Variants in FGF10 observed in about 807,000 individuals in gnomAD.
FGF10 encodes FGF-10.
Under a neutral mutation model 19.8 loss-of-function variants are expected in FGF10, and 2 were observed. The observed-to-expected ratio is 0.10, with a 90% CI of 0.04 to 0.32. The LOEUF (loss-of-function observed/expected upper bound fraction) is 0.32. FGF10 is among the 10% of genes least tolerant of loss of function. FGF10 has a pLI of 1.00. For missense variants in FGF10, 191 were observed against 246.3 expected, an observed-to-expected ratio of 0.78 and a Z score of 1.50; for synonymous variants, 112 against 94.0, an observed-to-expected ratio of 1.19 and a Z score of -1.10.
intron 1 of FGF10, among the ~76,000 whole-genome samples, chr5:44,345,230 G>A (rs1741060819): frequency 6.6e-6 from 1 of 151,536 alleles, no homozygotes; most frequent in Admixed American, 6.6e-5. Flanking sequence ...ATATACTGCT[G>A]GAAAATAATG....
intron 1 of FGF10, among the ~76,000 whole-genome samples, chr5:44,345,270 A>T (rs1223221916): frequency 1.3e-5 from 2 of 151,646 alleles, no homozygotes. Flanking sequence ...GGAAGACTTG[A>T]TTTGAAGATA....
chr5:44,325,821 T>C (rs1740602424), intron 1 of FGF10, among the ~76,000 whole-genome samples: 1 of 152,066 alleles, frequency 6.6e-6, no homozygotes. Context: ...TGTATACATA[T>C]GTTACAAACC....
At chr5:44,323,759 T>A (rs1265047376) in intron 1 of FGF10, among the ~76,000 whole-genome samples, 4 of 152,144 alleles carry the variant, frequency 2.6e-5, no homozygotes, top group Non-Finnish European at 2.9e-5. Flanking sequence ...CCAGAAATTA[T>A]CCCATTATCC....
intron 1 of FGF10, among the ~76,000 whole-genome samples, chr5:44,323,281 T>C (rs902388612): frequency 6.6e-6 from 1 of 152,182 alleles, no homozygotes; most frequent in Admixed American, 6.6e-5. Flanking sequence ...TGACTACTAG[T>C]AAAGCATGCA....
At position 44,310,562 on chromosome 5, in the gene FGF10, A is replaced by G. The variant is rs199742541; in HGVS notation, c.326-32T>C. ...CATACAATTTTAAAAGGCTAAATAA[A>G]GAATCCTAAATATATTTGGAAGAAA... On this transcript the variant is annotated intron_variant, in intron 1 of 2. Coordinates refer to ENST00000264664, the MANE Select transcript of FGF10 (RefSeq NM_004465.2). The G allele has an allele frequency of 2.5e-5, 35 of 1,424,404 alleles. No homozygotes were observed. In the South Asian group the frequency reaches 3.2e-4, roughly 13 times the overall value. The allele number at this position is 1,424,404 out of a possible 1,614,324, so 88.2% of individuals were successfully genotyped here. A position where few individuals can be genotyped will look rare whatever the true frequency, so the allele number is the denominator to read the frequency against.
intron 1 of FGF10, among the ~76,000 whole-genome samples, chr5:44,312,611 T>A (rs1464466245): frequency 6.6e-6 from 1 of 151,992 alleles, no homozygotes; most frequent in Non-Finnish European, 1.5e-5. Flanking sequence ...GAGAACAAAA[T>A]CTAACATACT....
At chr5:44,367,355 G>T (rs1172681395) in intron 1 of FGF10, among the ~76,000 whole-genome samples, 2 of 152,012 alleles carry the variant, frequency 1.3e-5, no homozygotes, top group African/African-American at 4.8e-5. Context: ...TGTCAAGAAA[G>T]CACAGAATAC....
At chr5:44,344,240 A>G (rs1042997525) in intron 1 of FGF10, among the ~76,000 whole-genome samples, 4 of 151,994 alleles carry the variant, frequency 2.6e-5, no homozygotes, top group African/African-American at 9.7e-5. Flanking sequence ...GTCCAGCCCA[A>G]GTACTTTAAT....
intron 2 of FGF10, among the ~76,000 whole-genome samples, chr5:44,309,503 A>G (rs1318334670): frequency 1.3e-5 from 2 of 152,148 alleles, no homozygotes; most frequent in African/African-American, 4.8e-5. Flanking sequence ...TCCCCTAAAT[A>G]TATTATAAAT....
intron 1 of FGF10, among the ~76,000 whole-genome samples, chr5:44,369,142 G>C (rs1005125015): frequency 1.3e-5 from 2 of 152,004 alleles, no homozygotes; most frequent in East Asian, 3.9e-4. Context: ...AAACACCCAA[G>C]GTGGACAGAG....
rs1043076006 is a variant in FGF10 at position 44,386,567 on chromosome 5, G to A, written c.325+1791C>T. Among the ~76,000 whole-genome samples the A allele has an allele frequency of 3.3e-5, 5 of 152,066 alleles. 1 individual carries two copies. The South Asian group carries it at 6.2e-4, about 19-fold the overall frequency. On this transcript the variant is annotated intron_variant, in intron 1 of 2. Coordinates refer to ENST00000264664, the MANE Select transcript of FGF10 (RefSeq NM_004465.2). ...AAATAAAGTTTTTAAATTTTTAATCGAAAAACCTTAAAGGTTATATACATA... is the reference window on the plus strand; with the variant it reads ...AAATAAAGTTTTTAAATTTTTAATCAAAAAACCTTAAAGGTTATATACATA...
At chr5:44,306,278 T>C (rs1463905451) in intron 2 of FGF10, among the ~76,000 whole-genome samples, 1 of 152,010 alleles carries the variant, frequency 6.6e-6, no homozygotes, top group Admixed American at 6.6e-5. Flanking sequence ...GCGCCTGTAA[T>C]CTCAGCTACT....
chr5:44,306,462 A>G (rs952050797), intron 2 of FGF10, among the ~76,000 whole-genome samples: 1 of 152,218 alleles, frequency 6.6e-6, no homozygotes, highest in African/African-American at 2.4e-5. Flanking sequence ...CTCAAACTAA[A>G]GTAGTTAAGA....
intron 1 of FGF10, among the ~76,000 whole-genome samples, chr5:44,349,015 G>A (rs150685642): frequency 5.3e-5 from 8 of 151,524 alleles, no homozygotes; most frequent in South Asian, 2.1e-4. Context: ...TCCAAAACTC[G>A]TTCAAGAAAT....
At chr5:44,367,576 C>T (rs1390225647) in intron 1 of FGF10, among the ~76,000 whole-genome samples, 1 of 152,000 alleles carries the variant, frequency 6.6e-6, no homozygotes, top group Non-Finnish European at 1.5e-5. Flanking sequence ...AGTGAAGTTA[C>T]TCGGCTTCTC....
At chr5:44,309,149 T>C (rs1323325726) in intron 2 of FGF10, among the ~76,000 whole-genome samples, 2 of 152,200 alleles carry the variant, frequency 1.3e-5, no homozygotes, top group Non-Finnish European at 2.9e-5. Flanking sequence ...ATTTAAAAGA[T>C]TTGTGTCACA....
chr5:44,332,004 C>G (rs1227443803), intron 1 of FGF10, among the ~76,000 whole-genome samples: 1 of 152,050 alleles, frequency 6.6e-6, no homozygotes, highest in African/African-American at 2.4e-5. Context: ...CTACCAATTC[C>G]TCCCTATCTC....
In FGF10 at chr5:44,322,504, C is replaced by G. The variant is rs1579904071; in HGVS notation, c.326-11974G>C. On this transcript the variant is annotated intron_variant, in intron 1 of 2. Coordinates refer to ENST00000264664, the MANE Select transcript of FGF10 (RefSeq NM_004465.2). Reference sequence around the variant, plus strand: ...ACCCCAAACTGGGAAGAAATGGATCCATGACCCATTTATGAATAAGCCAGG... The same window carrying G: ...ACCCCAAACTGGGAAGAAATGGATCGATGACCCATTTATGAATAAGCCAGG... Among the ~76,000 whole-genome samples, 7 of 152,278 alleles carry G rather than the reference C, an allele frequency of 4.6e-5. No homozygotes were observed. The South Asian group carries it at 1.4e-3, about 32-fold the overall frequency.
chr5:44,307,313 C>T (rs1017414538), intron 2 of FGF10, among the ~76,000 whole-genome samples: 8 of 151,998 alleles, frequency 5.3e-5, no homozygotes, highest in Non-Finnish European at 8.8e-5. Context: ...AAAATTCAGG[C>T]TACAGCAAGG....
Sources: gnomAD v4.1 joint callset for allele counts (sites outside exome capture counted in the v4.1 genomes callset) on GRCh38, gnomAD v4.1.1 for gene constraint, MANE v1.5 for transcripts, NCBI Gene and HGNC (gene_info 2026-07-23, HGNC 2026-07-21) for gene names.